Variants in MACROD2 observed in about 807,000 individuals in gnomAD.
MACROD2 encodes the protein mono-ADP ribosylhydrolase 2, also known as ADP-ribose glycohydrolase MACROD2.
MACROD2 carries 36 observed loss-of-function variants against 70.4 expected under a neutral mutation model. The ratio of observed to expected loss-of-function variants is 0.51; its 90% CI spans 0.39 to 0.68. The LOEUF (loss-of-function observed/expected upper bound fraction) is 0.68. Among genes scored for constraint, MACROD2 ranks in the 30% least tolerant of loss-of-function variants. MACROD2 has a pLI of 0.00. For missense variants in MACROD2, 496 were observed against 538.4 expected, an observed-to-expected ratio of 0.92 and a Z score of 0.78; for synonymous variants, 172 against 178.8, an observed-to-expected ratio of 0.96 and a Z score of 0.30.
chr20:15,021,215 CAT>C (rs1315302674), intron 5 of MACROD2, among the ~76,000 whole-genome samples: 1,072 of 14,310 alleles, frequency 0.075, 122 homozygotes, highest in African/African-American at 0.26. Flanking sequence ...TATGTATACA[CAT>C]ACAGGTGTGC....
At chr20:15,916,624 A>T (rs2065320713) in intron 10 of MACROD2, among the ~76,000 whole-genome samples, 1 of 152,152 alleles carries the variant, frequency 6.6e-6, no homozygotes, top group Non-Finnish European at 1.5e-5. Flanking sequence ...ATTATTTGAG[A>T]TCTCTTTAAA....
intron 6 of MACROD2, among the ~76,000 whole-genome samples, chr20:15,247,576 G>A (rs1298210594): frequency 6.6e-6 from 1 of 152,206 alleles, no homozygotes; most frequent in African/African-American, 2.4e-5. Context: ...AATAGTGACT[G>A]TATAATAACT....
At chr20:15,147,064 T>C (rs2076235324) in intron 5 of MACROD2, among the ~76,000 whole-genome samples, 4 of 152,150 alleles carry the variant, frequency 2.6e-5, no homozygotes, top group Admixed American at 2.6e-4. Flanking sequence ...AAATCGTAAC[T>C]TAATGCCCTT....
chr20:14,700,732 G>A (rs2080963595), intron 5 of MACROD2, among the ~76,000 whole-genome samples: 1 of 152,098 alleles, frequency 6.6e-6, no homozygotes, highest in South Asian at 2.1e-4. Flanking sequence ...GAATGTTGGT[G>A]CCTTTATGAT....
intron 5 of MACROD2, among the ~76,000 whole-genome samples, chr20:14,862,221 A>T (rs192259652): frequency 9.9e-4 from 21 of 21,114 alleles, no homozygotes; most frequent in East Asian, 1.3e-3. Flanking sequence ...ATATATATAT[A>T]AATATATATA....
intron 8 of MACROD2, among the ~76,000 whole-genome samples, chr20:15,788,583 A>G (rs1388943704): frequency 6.6e-6 from 1 of 152,192 alleles, no homozygotes; most frequent in Non-Finnish European, 1.5e-5. Flanking sequence ...TAATTACTGT[A>G]AAGCTATTTA....
chr20:15,709,281 C>G (rs2050589246), intron 8 of MACROD2, among the ~76,000 whole-genome samples: 1 of 152,300 alleles, frequency 6.6e-6, no homozygotes, highest in South Asian at 2.1e-4. Flanking sequence ...CTCCCGCTAT[C>G]TAATAAGTGA....
At chr20:15,856,814 A>G (rs988551513) in intron 8 of MACROD2, among the ~76,000 whole-genome samples, 4 of 152,224 alleles carry the variant, frequency 2.6e-5, no homozygotes, top group African/African-American at 9.6e-5. Context: ...CTTGTTCATA[A>G]AAGAGCAAAT....
intron 15 of MACROD2, among the ~76,000 whole-genome samples, chr20:15,998,167 G>T (rs1416146888): frequency 6.6e-6 from 1 of 152,032 alleles, no homozygotes; most frequent in East Asian, 1.9e-4. Flanking sequence ...ATCTAGCTTT[G>T]GTATCAAGGT....
At chr20:14,222,703 T>A (rs1322452113) in intron 3 of MACROD2, among the ~76,000 whole-genome samples, 1 of 152,018 alleles carries the variant, frequency 6.6e-6, no homozygotes, top group Non-Finnish European at 1.5e-5. Context: ...GTGGATATTA[T>A]TGTTAGATGC....
intron 5 of MACROD2, among the ~76,000 whole-genome samples, chr20:15,029,321 GT>G (rs1287812147): frequency 6.6e-6 from 1 of 152,094 alleles, no homozygotes; most frequent in Non-Finnish European, 1.5e-5. Context: ...TTTCTGCAGT[GT>G]CTCAAAAAGT....
At position 14,874,031 on chromosome 20, in the gene MACROD2, A is replaced by G. The variant is rs184048868; in HGVS notation, c.418+189072A>G. Among the ~76,000 whole-genome samples, 581 of 152,262 alleles carry G rather than the reference A, an allele frequency of 3.8e-3. 2 individuals are homozygous for G. The highest frequency in any genetic ancestry group is 0.013 in the African/African-American group (547 of 41,566). ...CTTCTGGAATTGAATGCAATCTGTT[A>G]AAAGTAAAGACGTGTTAGGCCAGAT... On this transcript the variant is annotated intron_variant, in intron 5 of 17. Transcript: ENST00000684519.
At chr20:16,030,014 G>A (rs1393108563) in intron 15 of MACROD2, among the ~76,000 whole-genome samples, 2 of 152,158 alleles carry the variant, frequency 1.3e-5, no homozygotes, top group African/African-American at 4.8e-5. Context: ...TCTCTGACAA[G>A]GCTGCAGAGG....
At chr20:15,752,352 T>A (rs2051285914) in intron 8 of MACROD2, among the ~76,000 whole-genome samples, 1 of 152,082 alleles carries the variant, frequency 6.6e-6, no homozygotes, top group Admixed American at 6.6e-5. Context: ...AAAAGGTTAG[T>A]CTATAGTGTT....
intron 8 of MACROD2, among the ~76,000 whole-genome samples, chr20:15,797,305 CG>C (rs1319000421): frequency 6.6e-6 from 1 of 152,078 alleles, no homozygotes; most frequent in Non-Finnish European, 1.5e-5. Flanking sequence ...TTAGTAGAGA[CG>C]GGGTTTCACC....
intron 4 of MACROD2, among the ~76,000 whole-genome samples, chr20:14,661,003 G>A (rs1394833290): frequency 5.9e-5 from 9 of 151,914 alleles, no homozygotes; most frequent in African/African-American, 2.2e-4. Context: ...ATAGTGCTGG[G>A]GTAAAAATAC....
chr20:15,829,834 A>G (rs916911578), intron 8 of MACROD2, among the ~76,000 whole-genome samples: 3 of 152,198 alleles, frequency 2.0e-5, no homozygotes, highest in Admixed American at 6.5e-5. Context: ...TACAAGGGCA[A>G]TGTGAGCATA....
At chr20:15,336,776 C>G (rs547199362) in intron 6 of MACROD2, among the ~76,000 whole-genome samples, 221 of 151,662 alleles carry the variant, frequency 1.5e-3, no homozygotes, top group Non-Finnish European at 2.3e-3. Flanking sequence ...TCCATTTTTC[C>G]TTTTAACCGT....
chr20:14,381,370 A>C (rs749958656), intron 3 of MACROD2, among the ~76,000 whole-genome samples: 3 of 152,188 alleles, frequency 2.0e-5, no homozygotes, highest in Non-Finnish European at 4.4e-5. Flanking sequence ...ATTTCAAATG[A>C]GTGATCGTTG....
Sources: allele counts gnomAD v4.1 joint callset (sites outside exome capture counted in the v4.1 genomes callset), GRCh38; gene constraint gnomAD v4.1.1; transcripts MANE v1.5; gene names NCBI Gene and HGNC (gene_info 2026-07-23, HGNC 2026-07-21).